Variants in SYNPR observed in about 807,000 individuals in gnomAD.
SYNPR encodes synaptoporin.
SYNPR carries 23 observed loss-of-function variants against 32.9 expected under a neutral mutation model. The ratio of observed to expected loss-of-function variants is 0.70; its 90% CI spans 0.50 to 0.99. The LOEUF (loss-of-function observed/expected upper bound fraction) is 0.99. Ranked by LOEUF, SYNPR falls within the 50% of genes least tolerant of loss-of-function variation. The pLI is 0.00. For synonymous variants in SYNPR, 146 were observed against 135.9 expected (o/e 1.07, Z -0.52); for missense variants, 318 against 349.3 (o/e 0.91, Z 0.71).
At chr3:63,414,503 C>T (rs1338136435) in intron 2 of SYNPR, among the ~76,000 whole-genome samples, 1 of 152,142 alleles carries the variant, frequency 6.6e-6, no homozygotes, top group African/African-American at 2.4e-5. Context: ...AACAATGCTG[C>T]AACAAACCTG....
chr3:63,468,298 G>A (rs1164338804), intron 2 of SYNPR, among the ~76,000 whole-genome samples: 1 of 151,988 alleles, frequency 6.6e-6, no homozygotes, highest in African/African-American at 2.4e-5. Context: ...GGTGTTCAAA[G>A]GAGGTAGAAT....
intron 2 of SYNPR, among the ~76,000 whole-genome samples, chr3:63,463,781 T>C (rs1700630378): frequency 6.6e-6 from 1 of 152,264 alleles, no homozygotes; most frequent in African/African-American, 2.4e-5. Context: ...CATCAGGACT[T>C]TCCTAGATGA....
chr3:63,349,393 C>A (rs1022804833), intron 2 of SYNPR, among the ~76,000 whole-genome samples: 1 of 152,212 alleles, frequency 6.6e-6, no homozygotes, highest in African/African-American at 2.4e-5. Flanking sequence ...AGCCACCGCG[C>A]CTGGCCAACA....
intron 3 of SYNPR, among the ~76,000 whole-genome samples, chr3:63,551,086 C>T (rs1322910422): frequency 6.6e-6 from 1 of 152,212 alleles, no homozygotes; most frequent in Non-Finnish European, 1.5e-5. Context: ...TCCCATCCTC[C>T]ACCCAGTCCT....
intron 3 of SYNPR, among the ~76,000 whole-genome samples, chr3:63,272,687 C>T (rs952801335): frequency 6.6e-6 from 1 of 152,034 alleles, no homozygotes; most frequent in African/African-American, 2.4e-5. Context: ...AAATGCCATA[C>T]CTTCATTCCT....
chr3:63,487,888 T>C (rs890258850), intron 3 of SYNPR, among the ~76,000 whole-genome samples: 5 of 152,110 alleles, frequency 3.3e-5, no homozygotes, highest in African/African-American at 1.2e-4. Context: ...AGGTTCCACA[T>C]TGAAGGAAAG....
At chr3:63,334,971 G>A (rs950166572) in intron 2 of SYNPR, among the ~76,000 whole-genome samples, 5 of 152,246 alleles carry the variant, frequency 3.3e-5, no homozygotes, top group Admixed American at 6.5e-5. Flanking sequence ...TGTGGTCTCT[G>A]GGCTACAGCT....
chr3:63,383,935 T>C (rs189153649), intron 2 of SYNPR, among the ~76,000 whole-genome samples: 1 of 152,402 alleles, frequency 6.6e-6, no homozygotes, highest in East Asian at 1.9e-4. Flanking sequence ...GTGATGAATG[T>C]GTTGCTTAAT....
intron 1 of SYNPR, among the ~76,000 whole-genome samples, chr3:63,241,616 A>G (rs1321729002): frequency 4.6e-5 from 7 of 152,038 alleles, no homozygotes; most frequent in Admixed American, 2.6e-4. Context: ...CTATATCTTG[A>G]TATACATTAA....
intron 2 of SYNPR, among the ~76,000 whole-genome samples, chr3:63,462,819 AG>A (rs1235986578): frequency 6.6e-6 from 1 of 152,188 alleles, no homozygotes; most frequent in Non-Finnish European, 1.5e-5. Flanking sequence ...ATCTCTGCTA[AG>A]GAAGTCAAAA....
intron 2 of SYNPR, among the ~76,000 whole-genome samples, chr3:63,299,679 G>T (rs988844673): frequency 6.6e-6 from 1 of 152,222 alleles, no homozygotes; most frequent in Non-Finnish European, 1.5e-5. Flanking sequence ...GGAACAATGG[G>T]TAGAAAGAAA....
At chr3:63,511,754 CGT>C (rs1332708579) in intron 3 of SYNPR, among the ~76,000 whole-genome samples, 4 of 152,068 alleles carry the variant, frequency 2.6e-5, no homozygotes, top group Non-Finnish European at 5.9e-5. Context: ...CAAGTGGACT[CGT>C]GCACTACTTA....
chr3:63,583,490 G>A (rs189973931), intron 4 of SYNPR, among the ~76,000 whole-genome samples: 77 of 152,200 alleles, frequency 5.1e-4, no homozygotes, highest in Non-Finnish European at 6.9e-4. Context: ...TGCTTCAAGC[G>A]TGACCAGGGA....
chr3:63,241,734 A>G (rs533976816), intron 1 of SYNPR, among the ~76,000 whole-genome samples: 5 of 152,214 alleles, frequency 3.3e-5, no homozygotes, highest in African/African-American at 9.6e-5. Flanking sequence ...CAGTTAACCA[A>G]TCCTGAAATG....
At chr3:63,435,096 C>T (rs1700057281) in intron 2 of SYNPR, among the ~76,000 whole-genome samples, 1 of 152,148 alleles carries the variant, frequency 6.6e-6, no homozygotes, top group East Asian at 1.9e-4. Flanking sequence ...AAGGAAATGC[C>T]CATCTCCCAC....
intron 3 of SYNPR, among the ~76,000 whole-genome samples, chr3:63,515,392 G>A (rs1005472464): frequency 3.3e-5 from 5 of 152,186 alleles, no homozygotes; most frequent in South Asian, 2.1e-4. Context: ...CAACTTTGAA[G>A]ACACTAGGTG....
chr3:63,563,044 A>G (rs1004934369), intron 4 of SYNPR, among the ~76,000 whole-genome samples: 4 of 152,176 alleles, frequency 2.6e-5, no homozygotes, highest in Non-Finnish European at 1.5e-5. Flanking sequence ...CATTAATTTT[A>G]ATTATTCTCC....
chr3:63,452,695 A>G (rs1315031628), intron 2 of SYNPR, among the ~76,000 whole-genome samples: 2 of 152,148 alleles, frequency 1.3e-5, no homozygotes, highest in Non-Finnish European at 2.9e-5. Context: ...AGACGTAGAG[A>G]GCCTGAGCCA....
At chr3:63,204,988 A>G in the SYNPR span, among the ~76,000 whole-genome samples, 1 of 152,206 alleles carries the variant, frequency 6.6e-6, no homozygotes, top group East Asian at 1.9e-4. Flanking sequence ...ACGCCCAGCC[A>G]GAGTAATTCT....
Sources: gnomAD v4.1 joint callset for allele counts (sites outside exome capture counted in the v4.1 genomes callset) on GRCh38, gnomAD v4.1.1 for gene constraint, MANE v1.5 for transcripts, NCBI Gene and HGNC (gene_info 2026-07-23, HGNC 2026-07-21) for gene names.